RXRA: variants seen among roughly 807,000 people sequenced by gnomAD.
RXRA encodes the protein retinoic acid receptor RXR-alpha.
In RXRA, 5 loss-of-function variants were observed where a neutral mutation model predicts 44.5. The observed-to-expected ratio is 0.11, with a 90% CI of 0.06 to 0.24. RXRA has a LOEUF of 0.24. RXRA is among the 10% of genes least tolerant of loss of function. The pLI, the probability that RXRA is intolerant of heterozygous loss-of-function variation, is 1.00. For missense variants in RXRA, 412 were observed against 646.5 expected, an observed-to-expected ratio of 0.64 and a Z score of 3.93; for synonymous variants, 291 against 271.4, an observed-to-expected ratio of 1.07 and a Z score of -0.71.
chr9:134,406,043 C>G (rs1185670714), intron 2 of RXRA: 1 of 152,266 alleles, frequency 6.6e-6, no homozygotes, highest in East Asian at 1.9e-4. Flanking sequence ...AGTGAGTTGT[C>G]TGCGAGCTCT....
In RXRA at chr9:134,332,442, C is replaced by T. The variant is rs567140874; in HGVS notation, c.28+5783C>T. On this transcript the variant is annotated intron_variant, in intron 1 of 9. Coordinates refer to ENST00000481739, the MANE Select transcript of RXRA (RefSeq NM_002957.6). ...GCCTTGACAACCCTGGCTGGGGAGG[C>T]GGGGATTGCTGGTGGGCTTGTCCAC... Among the ~76,000 whole-genome samples the T allele has an allele frequency of 4.6e-5, 7 of 151,008 alleles. No homozygotes were observed. The South Asian group carries it at 6.4e-4, about 14-fold the overall frequency.
chr9:134,422,040 A>G (rs1269281326), intron 6 of RXRA: 2 of 1,155,112 alleles, frequency 1.7e-6, no homozygotes, highest in South Asian at 4.2e-5. Flanking sequence ...GGATGCTCCC[A>G]TCTCCCAGGA....
intron 4 of RXRA, among the ~76,000 whole-genome samples, chr9:134,413,146 G>A (rs1314820814): frequency 1.3e-5 from 2 of 152,212 alleles, no homozygotes; most frequent in East Asian, 1.9e-4. Flanking sequence ...CAGTCCTCAG[G>A]TTCCTCATCT....
At chr9:134,380,084 T>C in intron 1 of RXRA, 1 of 985,428 alleles carries the variant, frequency 1.0e-6, no homozygotes, top group Non-Finnish European at 1.2e-6. Flanking sequence ...AGCCCCTCTG[T>C]TGTCGTGGTC....
intron 2 of RXRA, 76 bp downstream of exon 2, chr9:134,401,958 C>T: frequency 8.0e-7 from 1 of 1,254,846 alleles, no homozygotes; most frequent in African/African-American, 1.5e-5. Flanking sequence ...GGACGACCGC[C>T]TCATCTTGAG....
intron 4 of RXRA, among the ~76,000 whole-genome samples, chr9:134,412,320 T>TCGGC (rs1248487209): frequency 6.6e-6 from 1 of 152,220 alleles, no homozygotes; most frequent in Non-Finnish European, 1.5e-5. Context: ...AAGTGGTCCC[T>TCGGC]CGGCCCGGTT....
chr9:134,430,633 C>T (rs1001081748), intron 7 of RXRA, among the ~76,000 whole-genome samples: 1 of 91,942 alleles, frequency 1.1e-5, no homozygotes. Flanking sequence ...AGTTAGTGTA[C>T]AGGAGGGTCC....
At chr9:134,345,990 C>T (rs188235327) in intron 1 of RXRA, among the ~76,000 whole-genome samples, 2 of 152,154 alleles carry the variant, frequency 1.3e-5, no homozygotes, top group East Asian at 1.9e-4. Context: ...GATACATGTG[C>T]GTCTTACGGT....
intron 4 of RXRA, among the ~76,000 whole-genome samples, chr9:134,416,936 A>G (rs922810678): frequency 6.6e-6 from 1 of 152,050 alleles, no homozygotes; most frequent in African/African-American, 2.4e-5. Context: ...TGGTGTGAAC[A>G]TTGATTGGAA....
chr9:134,426,078 G>A lies in RXRA; in HGVS notation c.911-3030G>A. The A allele has an allele frequency of 1.0e-6, 1 of 985,450 alleles. No individual in the cohort carries two copies. Among genetic ancestry groups the A allele is most frequent in the Non-Finnish European group, 1.2e-6 (1 of 829,932 alleles). The allele number at this position is 985,450 out of a possible 1,614,324, so 61.0% of individuals were successfully genotyped here. A position where few individuals can be genotyped will look rare whatever the true frequency, so the allele number is the denominator to read the frequency against. On this transcript the variant is annotated intron_variant, in intron 6 of 9. Transcript: ENST00000481739. This position sits in a 1 kb window ranked among gnomAD's most constrained non-coding sequence, Gnocchi z 4.6. Reference sequence around the variant, plus strand: ...TGGGCAGGGCCACGAGGGATCTGCAGGAGTAAGTTCCTTGGGAAGGGCCAG... The same window carrying A: ...TGGGCAGGGCCACGAGGGATCTGCAAGAGTAAGTTCCTTGGGAAGGGCCAG...
At chr9:134,355,070 G>A (rs1830266805) in intron 1 of RXRA, among the ~76,000 whole-genome samples, 1 of 152,240 alleles carries the variant, frequency 6.6e-6, no homozygotes, top group Non-Finnish European at 1.5e-5. Context: ...ATCTCCTGCA[G>A]GGATGCGGTG....
In RXRA at chr9:134,433,032, G is replaced by T. The variant is rs1485241149; in HGVS notation, c.1135+1036G>T. ...TGGGGCTGCTGTGGGGAGCTCACTTGGGCTATGGTGGAGGGAGTGGAGCCC... is the reference window on the plus strand; with the variant it reads ...TGGGGCTGCTGTGGGGAGCTCACTTTGGCTATGGTGGAGGGAGTGGAGCCC... On this transcript the variant is annotated intron_variant, in intron 8 of 9. Transcript: ENST00000481739. This position sits in a 1 kb window ranked among gnomAD's most constrained non-coding sequence, Gnocchi z 4.2. Among the ~76,000 whole-genome samples, 1 of 152,136 alleles carries T rather than the reference G, an allele frequency of 6.6e-6. No individual in the cohort carries two copies. The highest frequency in any genetic ancestry group is 2.4e-5 in the African/African-American group (1 of 41,428).
chr9:134,330,892 G>A lies in RXRA; in HGVS notation c.28+4233G>A, dbSNP rs531374951. On this transcript the variant is annotated intron_variant, in intron 1 of 9. Coordinates refer to ENST00000481739, the MANE Select transcript of RXRA (RefSeq NM_002957.6). ...CAGCCTGGTGTGTTGTAGGCTGGCT[G>A]GGAGTTTGGGGAGTCTGTTTGTGGG... Among the ~76,000 whole-genome samples the A allele has an allele frequency of 5.3e-5, 8 of 152,330 alleles. No individual in the cohort carries two copies. In the South Asian group the frequency reaches 1.0e-3, roughly 20 times the overall value.
intron 1 of RXRA, among the ~76,000 whole-genome samples, chr9:134,350,083 G>A (rs797026213): frequency 8.5e-5 from 13 of 152,062 alleles, no homozygotes; most frequent in African/African-American, 2.7e-4. Context: ...TGTAGGGGGG[G>A]GTGGAAGGTG....
intron 1 of RXRA, among the ~76,000 whole-genome samples, chr9:134,362,083 C>T (rs1830358956): frequency 6.6e-6 from 1 of 152,186 alleles, no homozygotes; most frequent in Non-Finnish European, 1.5e-5. Context: ...GCCCTCTGTG[C>T]CTCTGTGCTC....
At chr9:134,422,568 C>G (rs531049659) in intron 6 of RXRA, 1 of 1,140,002 alleles carries the variant, frequency 8.8e-7, no homozygotes, top group Non-Finnish European at 1.1e-6. Flanking sequence ...TCCCCACTCC[C>G]GGGACACTCC....
rs938764232 is a variant in RXRA, at chr9:134,365,235, C to T, written c.29-36397C>T. Among the ~76,000 whole-genome samples, 3 of 152,196 alleles carry T rather than the reference C, an allele frequency of 2.0e-5. No individual in the cohort carries two copies. The highest frequency in any genetic ancestry group is 3.8e-4 in the East Asian group (2 of 5,198). ...AGTTCTCTTGAGGGCCCCTGTCTTA[C>T]GGATGAGGAGATAGAGGTTGAGGAT... On this transcript the variant is annotated intron_variant, in intron 1 of 9. Coordinates refer to ENST00000481739, the MANE Select transcript of RXRA (RefSeq NM_002957.6). This position sits in a 1 kb window ranked among gnomAD's most constrained non-coding sequence, Gnocchi z 4.0.
At chr9:134,431,529 G>A (rs1831531987) in intron 7 of RXRA, among the ~76,000 whole-genome samples, 1 of 152,220 alleles carries the variant, frequency 6.6e-6, no homozygotes, top group Admixed American at 6.5e-5. Context: ...AGGAGGGACA[G>A]TGGTGTGTCT....
intron 1 of RXRA, among the ~76,000 whole-genome samples, chr9:134,396,067 C>T (rs10858276): frequency 0.52 from 78,587 of 152,106 alleles, 22,772 homozygotes; most frequent in East Asian, 0.73. Context: ...GGCCCATCTT[C>T]AACAACCTCT....
Sources: allele counts gnomAD v4.1 joint callset (sites outside exome capture counted in the v4.1 genomes callset), GRCh38; gene constraint gnomAD v4.1.1; non-coding constraint Gnocchi (gnomAD v3.1); transcripts MANE v1.5; gene names NCBI Gene and HGNC (gene_info 2026-07-23, HGNC 2026-07-21).